The following NSUN6 variants were observed in gnomAD, a reference collection of about 807,000 sequenced individuals.
NSUN6 encodes tRNA (cytosine(72)-C(5))-methyltransferase NSUN6.
A neutral mutation model predicts 58.0 loss-of-function variants in NSUN6; 64 were observed. That is an observed-to-expected ratio of 1.10 (90% confidence interval 0.90 to 1.36). The LOEUF is 1.36. NSUN6 is among the 40% of genes most tolerant of loss of function. The probability of loss-of-function intolerance (pLI) is 0.00; values close to 1 mark genes in which losing one functional copy is unlikely to be tolerated. For synonymous variants in NSUN6, 231 were observed against 193.9 expected (o/e 1.19, Z -1.59); for missense variants, 701 against 550.1 (o/e 1.27, Z -2.74).
intron 3 of NSUN6, among the ~76,000 whole-genome samples, chr10:18,639,391 G>C (rs2059326297): frequency 6.6e-6 from 1 of 152,152 alleles, no homozygotes; most frequent in Non-Finnish European, 1.5e-5. Context: ...CTACTCGGGA[G>C]GCTGAGTCAG....
chr10:18,551,002 G>A (rs1430019471), intron 9 of NSUN6, among the ~76,000 whole-genome samples: 1 of 151,898 alleles, frequency 6.6e-6, no homozygotes, highest in Non-Finnish European at 1.5e-5. Flanking sequence ...CTGAGATGAT[G>A]GGCGCAAGCC....
chr10:18,651,667 C>A, upstream of NSUN6: 1 of 986,000 alleles, frequency 1.0e-6, no homozygotes, highest in Non-Finnish European at 1.2e-6. Context: ...GCGGCCCACC[C>A]CTCCCTTTCC....
intron 1 of NSUN6, among the ~76,000 whole-genome samples, chr10:18,650,291 G>T (rs1260502238): frequency 6.6e-6 from 1 of 151,578 alleles, no homozygotes; most frequent in African/African-American, 2.4e-5. Flanking sequence ...TTGCTTAGAG[G>T]CAGCATGGTA....
In NSUN6 at chr10:18,596,244, C is replaced by T. The variant is rs2057581109; in HGVS notation, c.741G>A (p.Gly247=). 6.2e-7 allele frequency: 1 copy of T among 1,611,184 alleles called. No individual in the cohort carries two copies. The highest frequency in any genetic ancestry group is 1.1e-5 in the South Asian group (1 of 91,008). The change falls in exon 7 of 11, where the codon GGG becomes GGA. Residue 247 remains glycine (G), a synonymous_variant. Transcript: ENST00000377304. ...TTAGTGCTGCAATGTGTGTTGTTTT[C>T]CCTCCAGGTGCTGCACACAAGTCTA... ...KILDLCAAPG[G]KTTHIAALMH...
chr10:18,644,625 A>G (rs2059487535), intron 2 of NSUN6, among the ~76,000 whole-genome samples: 1 of 151,082 alleles, frequency 6.6e-6, no homozygotes, highest in African/African-American at 2.4e-5. Context: ...TCACGAGGTC[A>G]GGAGATCGAG....
chr10:18,570,930 T>C (rs1216929419), intron 8 of NSUN6, among the ~76,000 whole-genome samples: 1 of 151,176 alleles, frequency 6.6e-6, no homozygotes, highest in East Asian at 2.0e-4. Flanking sequence ...CTACATTCAA[T>C]TACATTCTAC....
At chr10:18,601,272 T>C (rs1006598591) in intron 6 of NSUN6, among the ~76,000 whole-genome samples, 1 of 152,010 alleles carries the variant, frequency 6.6e-6, no homozygotes, top group African/African-American at 2.4e-5. Context: ...AGTATCTTTT[T>C]CCCTGTATTT....
chr10:18,627,862 G>A (rs2058877203), intron 3 of NSUN6, among the ~76,000 whole-genome samples: 1 of 152,248 alleles, frequency 6.6e-6, no homozygotes, highest in Admixed American at 6.5e-5. Flanking sequence ...GGCTTGCTTA[G>A]GCAAACAAAG....
chr10:18,596,535 C>G (rs1009584946), intron 6 of NSUN6, among the ~76,000 whole-genome samples: 7 of 152,106 alleles, frequency 4.6e-5, no homozygotes, highest in African/African-American at 1.4e-4. Context: ...CACAAACCAC[C>G]TGCGCAAAAA....
chr10:18,606,957 T>G (rs1196232001), intron 6 of NSUN6, among the ~76,000 whole-genome samples: 1 of 152,184 alleles, frequency 6.6e-6, no homozygotes, highest in Non-Finnish European at 1.5e-5. Flanking sequence ...AGATCTAAGT[T>G]AATCAATCCC....
chr10:18,588,076 C>A (rs916168603), intron 7 of NSUN6, among the ~76,000 whole-genome samples: 2 of 152,130 alleles, frequency 1.3e-5, no homozygotes, highest in Non-Finnish European at 2.9e-5. Flanking sequence ...GTGGGATGAC[C>A]GAGCTTGGTG....
chr10:18,595,750 G>A (rs1041011480), intron 7 of NSUN6, among the ~76,000 whole-genome samples: 2 of 151,932 alleles, frequency 1.3e-5, no homozygotes, highest in African/African-American at 2.4e-5. Context: ...ATCTTTCTTA[G>A]ACCAAAATGA....
rs768221466 is a variant in NSUN6 at position 18,651,252 on chromosome 10, TTTTG to T, written c.-53_-50del. On this transcript the variant is annotated 5_prime_UTR_variant, in exon 1 of 11. Transcript: ENST00000377304. ...CCAAGAGAAATGCTGGAAAACGGTG[TTTTG>T]TTTTTTTTTTTCTTTCCGAATTAAT... 2.7e-6 allele frequency: 4 copies of T among 1,481,710 alleles called. No individual in the cohort carries two copies. The highest frequency in any genetic ancestry group is 1.8e-6 in the Non-Finnish European group (2 of 1,119,296). 91.8% of individuals were successfully genotyped at this position (1,481,710 alleles called of 1,614,324 possible). A position where few individuals can be genotyped will look rare whatever the true frequency, so the allele number is the denominator to read the frequency against.
At chr10:18,635,745 G>A (rs1220958058) in intron 3 of NSUN6, among the ~76,000 whole-genome samples, 1 of 151,728 alleles carries the variant, frequency 6.6e-6, no homozygotes, top group African/African-American at 2.4e-5. Context: ...GGCTGAGGCA[G>A]GAGAACCACT....
intron 3 of NSUN6, among the ~76,000 whole-genome samples, chr10:18,636,093 G>GA (rs2059205378): frequency 6.6e-6 from 1 of 151,794 alleles, no homozygotes; most frequent in African/African-American, 2.4e-5. Context: ...TATGTGGCCT[G>GA]AACAACCAGA....
At chr10:18,599,347 C>T (rs1412937124) in intron 6 of NSUN6, among the ~76,000 whole-genome samples, 1 of 152,196 alleles carries the variant, frequency 6.6e-6, no homozygotes. Flanking sequence ...CTGCCTTGGC[C>T]TCCCAAAGTG....
chr10:18,570,975 T>C (rs1038478028), intron 8 of NSUN6, among the ~76,000 whole-genome samples: 4 of 149,964 alleles, frequency 2.7e-5, no homozygotes, highest in African/African-American at 9.8e-5. Flanking sequence ...CCATTCCCAT[T>C]CCATTTTCCA....
chr10:18,623,597 T>A (rs2058685146), intron 3 of NSUN6, among the ~76,000 whole-genome samples: 1 of 152,180 alleles, frequency 6.6e-6, no homozygotes, highest in African/African-American at 2.4e-5. Flanking sequence ...CAGTATCCTG[T>A]TCAGAGGAGA....
chr10:18,631,709 A>G (rs1327645858), intron 3 of NSUN6, among the ~76,000 whole-genome samples: 1 of 149,498 alleles, frequency 6.7e-6, no homozygotes, highest in Non-Finnish European at 1.5e-5. Context: ...GATGTGAAGG[A>G]CCTCTTCAAG....
Sources: gnomAD v4.1 joint callset for allele counts (sites outside exome capture counted in the v4.1 genomes callset) on GRCh38, gnomAD v4.1.1 for gene constraint, MANE v1.5 for transcripts, NCBI Gene and HGNC (gene_info 2026-07-23, HGNC 2026-07-21) for gene names.